Variants in RANBP2 observed in about 807,000 individuals in gnomAD.
RANBP2 encodes RAN binding protein 2.
In RANBP2, 57 loss-of-function variants were observed where a neutral mutation model predicts 303.6. The ratio of observed to expected loss-of-function variants is 0.19; its 90% CI spans 0.15 to 0.23. RANBP2 has a LOEUF of 0.23. RANBP2 is among the 10% of genes least tolerant of loss of function. The probability of loss-of-function intolerance (pLI) is 1.00; values close to 1 mark genes in which losing one functional copy is unlikely to be tolerated. For synonymous variants in RANBP2, 1,167 were observed against 1,301.5 expected, an observed-to-expected ratio of 0.90 and a Z score of 2.23; for missense variants, 3,138 against 3,780.8, an observed-to-expected ratio of 0.83 and a Z score of 4.46.
Position 108,784,567 on chromosome 2 carries a change from G to T in RANBP2, c.*666G>T, listed in dbSNP as rs924543724. On this transcript the variant is annotated 3_prime_UTR_variant, in exon 29 of 29. Transcript: ENST00000283195. ...AACAAGTTGACTATTTCCTTTAGGG[G>T]TTTTGTTTCAAACTTTTCTGTCATC... The T allele has an allele frequency of 6.6e-6, 1 of 152,552 alleles. No individual in the cohort carries two copies. The highest frequency in any genetic ancestry group is 2.4e-5 in the African/African-American group (1 of 41,430). 9.4% of individuals were successfully genotyped at this position (152,552 alleles called of 1,614,324 possible).
the RANBP2 span, among the ~76,000 whole-genome samples, chr2:109,659,494 T>A: frequency 2.0e-5 from 3 of 152,216 alleles, no homozygotes; most frequent in Admixed American, 6.5e-5. Flanking sequence ...CTGTGATTTA[T>A]CCAGGGCTGC....
the RANBP2 span, among the ~76,000 whole-genome samples, chr2:109,306,216 T>A: frequency 6.6e-6 from 1 of 152,176 alleles, no homozygotes; most frequent in Non-Finnish European, 1.5e-5. Flanking sequence ...AGAGATGCAG[T>A]CTGCCAGATG....
At chr2:109,045,333 A>G in the RANBP2 span, among the ~76,000 whole-genome samples, 1 of 152,182 alleles carries the variant, frequency 6.6e-6, no homozygotes, top group Non-Finnish European at 1.5e-5. Context: ...TTCAACAGGG[A>G]TTATATCTTG....
chr2:109,446,151 G>T, the RANBP2 span, among the ~76,000 whole-genome samples: 2 of 152,138 alleles, frequency 1.3e-5, no homozygotes, highest in African/African-American at 4.8e-5. Flanking sequence ...AATCCTACCA[G>T]AGATGAGCAC....
At chr2:108,920,689 A>G in the RANBP2 span, among the ~76,000 whole-genome samples, 1 of 152,136 alleles carries the variant, frequency 6.6e-6, no homozygotes, top group African/African-American at 2.4e-5. Context: ...TTACTTGGCA[A>G]CCCCAGAAAC....
At chr2:108,772,824 G>T (rs1303413982) in intron 22 of RANBP2, 44 bp from the exon 23 acceptor site, 5 of 1,589,054 alleles carry the variant, frequency 3.1e-6, no homozygotes, top group Non-Finnish European at 4.3e-6. Flanking sequence ...AGAGAAGTTG[G>T]GCTTCATCTA....
the RANBP2 span, among the ~76,000 whole-genome samples, chr2:109,686,503 C>T: frequency 6.6e-6 from 1 of 152,060 alleles, no homozygotes; most frequent in Admixed American, 6.6e-5. Context: ...TTAGTATAGA[C>T]GGGGTTTCAC....
In RANBP2 at chr2:108,773,013, TC is replaced by T; in HGVS notation, c.8260del (p.Gln2754AsnfsTer18). 1 of 1,613,506 alleles carries T rather than the reference TC, an allele frequency of 6.2e-7. No homozygotes were observed. Among genetic ancestry groups the T allele is most frequent in the Non-Finnish European group, 8.5e-7 (1 of 1,179,638 alleles). ...AAGACAATGGAAATGGGGAGGACTT[TC>T]AATCAGAGCTTCAAAAAGTTCAGGA... ...DEDNGNGEDFQSELQKVQEAQ... is the reference protein window; with the variant it reads ...DEDNGNGEDFXSELQKVQEAQ... On this transcript the variant is annotated frameshift_variant, in exon 23 of 29. Coordinates refer to ENST00000283195, the MANE Select transcript of RANBP2 (RefSeq NM_006267.5). LOFTEE classifies it high-confidence loss of function.
chr2:108,818,046 C>T, the RANBP2 span, among the ~76,000 whole-genome samples: 2 of 152,170 alleles, frequency 1.3e-5, no homozygotes, highest in Admixed American at 6.5e-5. Context: ...TGGCTCATAC[C>T]TGTAATCCTT....
chr2:109,250,687 T>C, the RANBP2 span, among the ~76,000 whole-genome samples: 1 of 151,948 alleles, frequency 6.6e-6, no homozygotes, highest in Non-Finnish European at 1.5e-5. Context: ...CATATTTATA[T>C]CAAAGGAGGA....
chr2:109,213,739 C>T, the RANBP2 span, among the ~76,000 whole-genome samples: 13 of 152,088 alleles, frequency 8.5e-5, no homozygotes, highest in Non-Finnish European at 1.5e-4. Flanking sequence ...GAGTGGGGAA[C>T]GTGGGGATGG....
chr2:109,137,187 G>A, the RANBP2 span, among the ~76,000 whole-genome samples: 67 of 152,316 alleles, frequency 4.4e-4, 2 homozygotes, highest in African/African-American at 1.4e-3. Context: ...GAGGAAAGTG[G>A]TATTGGTGTG....
the RANBP2 span, among the ~76,000 whole-genome samples, chr2:109,196,581 T>C: frequency 6.6e-6 from 1 of 152,150 alleles, no homozygotes; most frequent in Admixed American, 6.5e-5. Flanking sequence ...CCCTACATCA[T>C]GTGGCTGGAT....
chr2:109,429,769 A>G, the RANBP2 span, among the ~76,000 whole-genome samples: 1 of 152,216 alleles, frequency 6.6e-6, no homozygotes, highest in Non-Finnish European at 1.5e-5. Flanking sequence ...AACATGTGCA[A>G]GAAGGCCACA....
chr2:109,151,432 C>T, the RANBP2 span, among the ~76,000 whole-genome samples: 1 of 152,164 alleles, frequency 6.6e-6, no homozygotes, highest in Admixed American at 6.5e-5. Context: ...CAAAGCAGCA[C>T]CATCCAATAC....
chr2:109,137,772 C>T, the RANBP2 span, among the ~76,000 whole-genome samples: 1 of 152,216 alleles, frequency 6.6e-6, no homozygotes, highest in African/African-American at 2.4e-5. Flanking sequence ...GTTGTTTTTG[C>T]GTTCAAAGAC....
the RANBP2 span, among the ~76,000 whole-genome samples, chr2:109,322,234 C>T: frequency 2.6e-5 from 4 of 152,196 alleles, no homozygotes; most frequent in African/African-American, 7.2e-5. Context: ...CTCCTTCTCC[C>T]TTCTTGCTGG....
chr2:109,601,715 G>A, the RANBP2 span, among the ~76,000 whole-genome samples: 1 of 150,254 alleles, frequency 6.7e-6, no homozygotes, highest in South Asian at 2.1e-4. Context: ...TTTTCTTTAC[G>A]GCTTCTTCCT....
At chr2:109,178,693 G>A in the RANBP2 span, among the ~76,000 whole-genome samples, 1 of 152,170 alleles carries the variant, frequency 6.6e-6, no homozygotes, top group South Asian at 2.1e-4. Flanking sequence ...CTTTGTCAAA[G>A]TTCTTGTGTC....
Sources: allele counts gnomAD v4.1 joint callset (sites outside exome capture counted in the v4.1 genomes callset), GRCh38; gene constraint gnomAD v4.1.1; transcripts MANE v1.5; gene names NCBI Gene and HGNC (gene_info 2026-07-23, HGNC 2026-07-21).